Variants in CDC42BPA observed in about 807,000 individuals in gnomAD.
The protein encoded by CDC42BPA is serine/threonine-protein kinase MRCK alpha.
In CDC42BPA, 80 loss-of-function variants were observed where a neutral mutation model predicts 223.5. That is an observed-to-expected ratio of 0.36 (90% CI 0.30 to 0.43). The LOEUF (loss-of-function observed/expected upper bound fraction) is 0.43. Ranked by LOEUF, CDC42BPA falls within the 20% of genes least tolerant of loss-of-function variation. The probability of loss-of-function intolerance (pLI) is 1.00; values close to 1 mark genes in which losing one functional copy is unlikely to be tolerated. For synonymous variants in CDC42BPA, 694 were observed against 718.6 expected (o/e 0.97, Z 0.55); for missense variants, 1,743 against 2,099.9 (o/e 0.83, Z 3.32).
At chr1:227,171,528 G>T (rs1303559284) in intron 5 of CDC42BPA, among the ~76,000 whole-genome samples, 1 of 151,992 alleles carries the variant, frequency 6.6e-6, no homozygotes, top group Non-Finnish European at 1.5e-5. Flanking sequence ...GAGGTCAGAG[G>T]ATCACCTGTG....
intron 14 of CDC42BPA, 71 bp from the exon 15 acceptor site, chr1:227,101,310 A>C: frequency 1.1e-6 from 1 of 938,338 alleles, no homozygotes; most frequent in Non-Finnish European, 1.5e-6. Context: ...TTCTTTCTGT[A>C]ATATAAATGA....
At chr1:227,038,203 G>A (rs1356209747) in intron 24 of CDC42BPA, among the ~76,000 whole-genome samples, 1 of 110,354 alleles carries the variant, frequency 9.1e-6, no homozygotes, top group Admixed American at 8.1e-5. Context: ...TTTATAAAGG[G>A]GAGTTCCCCT....
intron 1 of CDC42BPA, among the ~76,000 whole-genome samples, chr1:227,315,109 A>C (rs1488197664): frequency 1.3e-5 from 2 of 151,930 alleles, no homozygotes; most frequent in Admixed American, 1.3e-4. Flanking sequence ...AAATACCACT[A>C]CTCACTACGC....
chr1:227,108,886 T>G (rs482032), intron 14 of CDC42BPA, among the ~76,000 whole-genome samples: 126,400 of 152,078 alleles, frequency 0.83, 52,571 homozygotes, highest in East Asian at 0.88. Context: ...CTAGGCTATA[T>G]GGTATAGCCT....
At chr1:227,222,756 A>G (rs1676166166) in intron 2 of CDC42BPA, among the ~76,000 whole-genome samples, 1 of 152,230 alleles carries the variant, frequency 6.6e-6, no homozygotes. Context: ...AAGTATAAGA[A>G]TGGGCAATTT....
intron 1 of CDC42BPA, among the ~76,000 whole-genome samples, chr1:227,264,095 A>C (rs1414041056): frequency 6.6e-6 from 1 of 152,144 alleles, no homozygotes; most frequent in Admixed American, 6.5e-5. Flanking sequence ...GCTGCTTTTT[A>C]TTTGCCTTTG....
At chr1:227,145,838 A>G (rs746336278) in intron 7 of CDC42BPA, 101 bp from the exon 8 acceptor site, 2 of 885,846 alleles carry the variant, frequency 2.3e-6, no homozygotes, top group Middle Eastern at 3.3e-4. Flanking sequence ...TATTTTAAAT[A>G]TATCTAATAA....
chr1:227,035,792 A>T (rs1254160992), intron 24 of CDC42BPA, among the ~76,000 whole-genome samples, 185 bp from the exon 25 acceptor site: 2 of 152,242 alleles, frequency 1.3e-5, no homozygotes, highest in African/African-American at 4.8e-5. Flanking sequence ...AATGAGACAT[A>T]GTAAATATTT....
In CDC42BPA at chr1:227,178,915, T is replaced by G. The variant is rs117264233; in HGVS notation, c.599+14871A>C. ...GAGTAATTTTGGACTGCACTGTGTA[T>G]GCTATGAGCATGTACACTTTTGGTT... On this transcript the variant is annotated intron_variant, in intron 5 of 36. Coordinates refer to ENST00000366766, the MANE Select transcript of CDC42BPA (RefSeq NM_001394014.1). 2.2e-3 allele frequency among the ~76,000 whole-genome samples: 334 copies of G among 152,342 alleles called. 9 individuals are homozygous for G. The East Asian group carries it at 0.046, about 21-fold the overall frequency.
intron 1 of CDC42BPA, among the ~76,000 whole-genome samples, chr1:227,265,674 A>C (rs960914937): frequency 1.1e-4 from 16 of 152,038 alleles, no homozygotes; most frequent in Admixed American, 3.9e-4. Flanking sequence ...CTGATATTAC[A>C]ATTAGAACCT....
intron 1 of CDC42BPA, among the ~76,000 whole-genome samples, chr1:227,275,604 T>TC (rs1489960005): frequency 1.8e-5 from 2 of 110,360 alleles, no homozygotes; most frequent in African/African-American, 3.5e-5. Context: ...CCTCCCCCTC[T>TC]CCCCCTCCCC....
At chr1:227,245,804 A>G (rs1680844422) in intron 2 of CDC42BPA, among the ~76,000 whole-genome samples, 1 of 152,224 alleles carries the variant, frequency 6.6e-6, no homozygotes, top group Non-Finnish European at 1.5e-5. Flanking sequence ...ATGAATTGCC[A>G]CTGGGCACCA....
At chr1:227,180,401 A>G (rs2087506184) in intron 5 of CDC42BPA, 1 of 152,232 alleles carries the variant, frequency 6.6e-6, no homozygotes, top group South Asian at 2.1e-4. Context: ...CTAATACACA[A>G]GCTTAAAGCA....
In CDC42BPA at chr1:227,145,799, G is replaced by A. The variant is rs73102946; in HGVS notation, c.895-62C>T. 1.9e-3 allele frequency: 2,506 copies of A among 1,322,314 alleles called. 44 individuals carry two copies. In the African/African-American group the frequency reaches 0.033, roughly 17 times the overall value. The allele number at this position is 1,322,314 out of a possible 1,614,324, so 81.9% of individuals were successfully genotyped here. ...TGTTTAACATACTAAGTAGTTGGTT[G>A]ACTTATTTATTTTCTTAAAAATACA... On this transcript the variant is annotated intron_variant, in intron 7 of 36. Coordinates refer to ENST00000366766, the MANE Select transcript of CDC42BPA (RefSeq NM_001394014.1).
intron 1 of CDC42BPA, among the ~76,000 whole-genome samples, chr1:227,294,010 A>G (rs746846250): frequency 8.6e-5 from 13 of 151,618 alleles, no homozygotes; most frequent in Non-Finnish European, 1.9e-4. Context: ...GGTGGCTCAC[A>G]CCTGTAATCC....
chr1:227,062,641 C>T (rs768280964), intron 21 of CDC42BPA, among the ~76,000 whole-genome samples: 14 of 152,158 alleles, frequency 9.2e-5, no homozygotes, highest in Non-Finnish European at 1.9e-4. Context: ...TTCTGAATGT[C>T]CATAGTACTT....
At chr1:227,175,656 T>A (rs1666826612) in intron 5 of CDC42BPA, among the ~76,000 whole-genome samples, 2 of 152,260 alleles carry the variant, frequency 1.3e-5, no homozygotes, top group South Asian at 4.2e-4. Context: ...TTATCCCTAT[T>A]AAATTTGAAA....
intron 2 of CDC42BPA, among the ~76,000 whole-genome samples, chr1:227,238,971 G>T (rs61207897): frequency 0.023 from 3,501 of 152,244 alleles, 138 homozygotes; most frequent in African/African-American, 0.079. Context: ...TGCATCAACC[G>T]TCTAGAGCTA....
intron 15 of CDC42BPA, among the ~76,000 whole-genome samples, chr1:227,094,516 A>G (rs12563165): frequency 0.21 from 31,234 of 152,116 alleles, 3,311 homozygotes; most frequent in East Asian, 0.26. Context: ...TGTAACAAAG[A>G]CCTAATGGAG....
Sources: gnomAD v4.1 joint callset for allele counts (sites outside exome capture counted in the v4.1 genomes callset) on GRCh38, gnomAD v4.1.1 for gene constraint, MANE v1.5 for transcripts, NCBI Gene and HGNC (gene_info 2026-07-23, HGNC 2026-07-21) for gene names.